Variants in RSRC1 observed in about 807,000 individuals in gnomAD.
RSRC1 encodes the protein serine/Arginine-related protein 53.
RSRC1 carries 39 observed loss-of-function variants against 49.1 expected under a neutral mutation model. The ratio of observed to expected loss-of-function variants is 0.79; its 90% CI spans 0.61 to 1.04. The LOEUF is 1.04. RSRC1 is among the 50% of genes least tolerant of loss of function. The pLI, the probability that RSRC1 is intolerant of heterozygous loss-of-function variation, is 0.00. For missense variants in RSRC1, 388 were observed against 402.4 expected, an observed-to-expected ratio of 0.96 and a Z score of 0.31; for synonymous variants, 143 against 130.8, an observed-to-expected ratio of 1.09 and a Z score of -0.63.
chr3:158,351,096 C>T (rs1730848838), intron 5 of RSRC1, among the ~76,000 whole-genome samples: 1 of 152,072 alleles, frequency 6.6e-6, no homozygotes, highest in African/African-American at 2.4e-5. Context: ...ATTTTCATCT[C>T]CAACTGAGCT....
chr3:158,377,735 C>T (rs1425594068), intron 6 of RSRC1, among the ~76,000 whole-genome samples: 1 of 151,708 alleles, frequency 6.6e-6, no homozygotes, highest in East Asian at 1.9e-4. Context: ...TCTTGGCTCA[C>T]TGCAACCTCC....
intron 4 of RSRC1, among the ~76,000 whole-genome samples, chr3:158,272,109 T>C (rs1322882267): frequency 1.3e-5 from 2 of 152,114 alleles, no homozygotes; most frequent in African/African-American, 4.8e-5. Context: ...TTTCAAAATA[T>C]CTCATTTTGC....
intron 6 of RSRC1, among the ~76,000 whole-genome samples, chr3:158,370,021 T>G (rs1394868979): frequency 6.6e-6 from 1 of 151,958 alleles, no homozygotes; most frequent in Non-Finnish European, 1.5e-5. Context: ...GAAGTAGTAT[T>G]TGTGATATAA....
At chr3:158,261,112 T>A (rs947959395) in intron 4 of RSRC1, among the ~76,000 whole-genome samples, 3 of 152,230 alleles carry the variant, frequency 2.0e-5, no homozygotes, top group Non-Finnish European at 4.4e-5. Flanking sequence ...GCCAGGGGGA[T>A]GATCACTGCA....
intron 3 of RSRC1, among the ~76,000 whole-genome samples, chr3:158,196,396 T>C (rs1207701681): frequency 6.6e-6 from 1 of 152,228 alleles, no homozygotes; most frequent in African/African-American, 2.4e-5. Flanking sequence ...TAAGGAGATT[T>C]GGGGCTGAGA....
rs1731380301 is a variant in RSRC1, at chr3:158,359,973, G to C, written c.583+5065G>C. Among the ~76,000 whole-genome samples the C allele has an allele frequency of 2.6e-5, 4 of 152,106 alleles. No individual in the cohort carries two copies. In the South Asian group the frequency reaches 8.3e-4, roughly 32 times the overall value. ...AGTGTTCAGCTCTTAACAGAGAGTA[G>C]CTCCTCTCTGCTAGGCAGGTGGTAC... On this transcript the variant is annotated intron_variant, in intron 6 of 9. Transcript: ENST00000611884.
intron 3 of RSRC1, among the ~76,000 whole-genome samples, chr3:158,176,027 A>G (rs777161226): frequency 6.6e-6 from 1 of 152,152 alleles, no homozygotes; most frequent in Non-Finnish European, 1.5e-5. Flanking sequence ...AGAGAGCCAA[A>G]TCATGAGTGA....
intron 4 of RSRC1, among the ~76,000 whole-genome samples, chr3:158,227,321 C>G (rs1162910088): frequency 6.6e-6 from 1 of 151,876 alleles, no homozygotes. Context: ...CAAGATTAGA[C>G]GAGTGGTTTT....
chr3:158,189,798 A>AT (rs1470457826), intron 3 of RSRC1, among the ~76,000 whole-genome samples: 5 of 151,360 alleles, frequency 3.3e-5, no homozygotes, highest in Non-Finnish European at 7.4e-5. Context: ...TGTCCAATCC[A>AT]TTTTTTCGTT....
chr3:158,511,392 G>A lies in RSRC1; in HGVS notation c.653-25700G>A, dbSNP rs538410248. Among the ~76,000 whole-genome samples the A allele has an allele frequency of 4.6e-5, 7 of 152,148 alleles. No individual in the cohort carries two copies. The East Asian group carries it at 9.7e-4, about 21-fold the overall frequency. On this transcript the variant is annotated intron_variant, in intron 7 of 9. Coordinates refer to ENST00000611884, the MANE Select transcript of RSRC1 (RefSeq NM_001271838.2). ...TGTGGTGTTTGCTTTTTGTTCTTGC[G>A]ATAGTTTACTGAGAATGATGATTTC...
At chr3:158,453,707 G>T in intron 6 of RSRC1, among the ~76,000 whole-genome samples, 1 of 151,716 alleles carries the variant, frequency 6.6e-6, no homozygotes. Flanking sequence ...AACCTTTTCG[G>T]GTTCTCTTCT....
At chr3:158,362,693 G>A (rs566796847) in intron 6 of RSRC1, among the ~76,000 whole-genome samples, 4 of 152,264 alleles carry the variant, frequency 2.6e-5, no homozygotes, top group African/African-American at 9.6e-5. Context: ...GGAAGTTTAG[G>A]TAAGGACTCC....
Position 158,532,605 on chromosome 3 carries a change from AGT to A in RSRC1, c.653-4485_653-4484del, listed in dbSNP as rs1405730682. ...TAAAAATTTTTCATCACAAAAGGAA[AGT>A]GATTTTCTATACTTTGAGTTAAGTA... On this transcript the variant is annotated intron_variant, in intron 7 of 9. Transcript: ENST00000611884. Among the ~76,000 whole-genome samples the A allele has an allele frequency of 2.6e-5, 4 of 151,884 alleles. No homozygotes were observed. The East Asian group carries it at 5.8e-4, about 22-fold the overall frequency.
At chr3:158,338,575 A>G (rs73170313) in intron 5 of RSRC1, among the ~76,000 whole-genome samples, 18,230 of 152,316 alleles carry the variant, frequency 0.12, 1,343 homozygotes, top group Middle Eastern at 0.19. Flanking sequence ...AAAGTTGTGC[A>G]TCTGAGAAAG....
At chr3:158,153,547 A>G (rs1330196462) in intron 3 of RSRC1, among the ~76,000 whole-genome samples, 2 of 152,226 alleles carry the variant, frequency 1.3e-5, no homozygotes, top group East Asian at 1.9e-4. Flanking sequence ...TGAGGTTGCC[A>G]TAAAGCTAGA....
Position 158,122,290 on chromosome 3 carries a change from T to C in RSRC1, c.186T>C (p.Tyr62=). 1 of 1,555,786 alleles carries C rather than the reference T, an allele frequency of 6.4e-7. No individual in the cohort carries two copies. Among genetic ancestry groups the C allele is most frequent in the South Asian group, 1.2e-5 (1 of 83,044 alleles). ...SRDLQPRSHS[Y]DRRRRHRSSS... is the part of the protein sequence containing the mutation. ...ATCTTCAGCCTCGTTCACATTCTTA[T>C]GATAGAAGGTGATTTTTGTAATTTT... The change falls in exon 2 of 10, where the codon TAT becomes TAC. Residue 62 remains tyrosine, a synonymous_variant. Coordinates refer to ENST00000611884, the MANE Select transcript of RSRC1 (RefSeq NM_001271838.2).
chr3:158,376,426 T>A (rs138707981), intron 6 of RSRC1, among the ~76,000 whole-genome samples: 5,164 of 152,036 alleles, frequency 0.034, 104 homozygotes, highest in Non-Finnish European at 0.048. Context: ...CCTCCCAAAG[T>A]GCTGGGATTA....
chr3:158,273,823 T>A (rs1177256775), intron 4 of RSRC1, among the ~76,000 whole-genome samples: 1 of 152,130 alleles, frequency 6.6e-6, no homozygotes, highest in Non-Finnish European at 1.5e-5. Flanking sequence ...AATCTTTGGA[T>A]TCCATTCATT....
At chr3:158,439,651 C>A (rs1736264458) in intron 6 of RSRC1, among the ~76,000 whole-genome samples, 1 of 152,002 alleles carries the variant, frequency 6.6e-6, no homozygotes, top group African/African-American at 2.4e-5. Flanking sequence ...ACATCACACA[C>A]TGGGGCCTGT....
Sources: gnomAD v4.1 joint callset for allele counts (sites outside exome capture counted in the v4.1 genomes callset) on GRCh38, gnomAD v4.1.1 for gene constraint, MANE v1.5 for transcripts, NCBI Gene and HGNC (gene_info 2026-07-23, HGNC 2026-07-21) for gene names.